MICAL3: variants seen among roughly 807,000 people sequenced by gnomAD.
MICAL3 encodes the protein microtubule associated monooxygenase, calponin and LIM domain containing 3.
In MICAL3, 62 loss-of-function variants were observed where a neutral mutation model predicts 207.4. The ratio of observed to expected loss-of-function variants is 0.30; its 90% CI spans 0.24 to 0.37. MICAL3 has a LOEUF of 0.37. Ranked by LOEUF, MICAL3 falls within the 10% of genes least tolerant of loss-of-function variation. The pLI, the probability that MICAL3 is intolerant of heterozygous loss-of-function variation, is 1.00. For missense variants in MICAL3, 2,368 were observed against 2,635.6 expected (o/e 0.90, Z 2.22); for synonymous variants, 1,077 against 1,069.3 (o/e 1.01, Z -0.14).
rs1445316141 is a variant in MICAL3, at chr22:17,841,961, G to C, written c.2662C>G (p.Pro888Ala). 6.2e-7 allele frequency: 1 copy of C among 1,607,204 alleles called. No individual in the cohort carries two copies. The highest frequency in any genetic ancestry group is 1.1e-5 in the South Asian group (1 of 90,564). The change falls in exon 20 of 32, where the codon CCA becomes GCA. Residue 888 changes from proline (P) to alanine (A), a missense_variant. By Grantham distance (27) the Pro-to-Ala change is conservative. Transcript: ENST00000441493. This position sits in a 1 kb window ranked among gnomAD's most constrained non-coding sequence, Gnocchi z 4.2. ...TAGTTCTCCAGCTCGATCCGCTCTG[G>C]GGTGCCCCTCAGTCGCTTGGCGATG... ...PSIAKRLRGTPERIELENYRL... is the reference protein window; with the variant it reads ...PSIAKRLRGTAERIELENYRL...
chr22:17,930,261 C>T (rs1933176576), intron 1 of MICAL3, among the ~76,000 whole-genome samples: 1 of 152,230 alleles, frequency 6.6e-6, no homozygotes, highest in African/African-American at 2.4e-5. Context: ...GTTCTTGAAG[C>T]TACATACACA....
In MICAL3 at chr22:17,818,089, A is replaced by G; in HGVS notation, c.4572T>C (p.Asp1524=). 1 of 1,612,988 alleles carries G rather than the reference A, an allele frequency of 6.2e-7. No individual in the cohort carries two copies. The change falls in exon 26 of 32, where the codon GAT becomes GAC. Residue 1524 remains aspartate (D), a synonymous_variant. Coordinates refer to ENST00000441493, the MANE Select transcript of MICAL3 (RefSeq NM_015241.3). ...VESVEEIPFA[D]DVEDTYDDKT... The stretch of plus-strand genomic sequence containing the variant: ...TGTCGTCATAGGTGTCCTCCACATC[A>G]TCAGCAAAGGGAATCTCCTCCACGC...
chr22:17,805,281 G>A (rs967447559), intron 29 of MICAL3, among the ~76,000 whole-genome samples: 3 of 152,276 alleles, frequency 2.0e-5, no homozygotes, highest in Admixed American at 2.0e-4. Flanking sequence ...CGCAGAAGCA[G>A]GAGAGAAAGC....
chr22:17,978,765 C>T (rs1260550958), intron 1 of MICAL3, among the ~76,000 whole-genome samples: 2 of 151,774 alleles, frequency 1.3e-5, no homozygotes, highest in African/African-American at 4.8e-5. Context: ...GTGATCTGCC[C>T]GCCTCGGCCT....
At chr22:17,849,411 T>C (rs1284717379) in intron 19 of MICAL3, among the ~76,000 whole-genome samples, 4 of 152,184 alleles carry the variant, frequency 2.6e-5, no homozygotes, top group Non-Finnish European at 5.9e-5. Context: ...CATGGCTCAA[T>C]GCAGACTCAA....
chr22:17,901,623 T>C (rs1455865798), intron 5 of MICAL3, among the ~76,000 whole-genome samples: 1 of 152,096 alleles, frequency 6.6e-6, no homozygotes, highest in Non-Finnish European at 1.5e-5. Flanking sequence ...GTGAGCGTGA[T>C]CATGATACTG....
intron 25 of MICAL3, 86 bp from the exon 26 acceptor site, chr22:17,819,215 G>A (rs1003776462): frequency 1.5e-6 from 2 of 1,329,290 alleles, no homozygotes; most frequent in Non-Finnish European, 2.0e-6. Context: ...CACTCAAAGT[G>A]CCTGCACCTG....
At chr22:18,010,723 T>C (rs1038460684) in intron 1 of MICAL3, among the ~76,000 whole-genome samples, 2 of 151,774 alleles carry the variant, frequency 1.3e-5, no homozygotes, top group Non-Finnish European at 2.9e-5. Context: ...TGCCGGGAGG[T>C]GGAGACCTGG....
intron 1 of MICAL3, among the ~76,000 whole-genome samples, chr22:17,996,445 G>GAAAA (rs113489535): frequency 7.3e-6 from 1 of 136,346 alleles, no homozygotes. Context: ...CTCCATCTCA[G>GAAAA]AAAAAAAAAA....
chr22:17,847,632 CCGG>C (rs905901466), intron 19 of MICAL3, among the ~76,000 whole-genome samples: 3 of 152,228 alleles, frequency 2.0e-5, no homozygotes, highest in Non-Finnish European at 2.9e-5. Context: ...TGACCACCTT[CCGG>C]CGTCACCTTC....
intron 29 of MICAL3, among the ~76,000 whole-genome samples, chr22:17,797,859 GGCGGGCC>G (rs2061893372): frequency 1.3e-5 from 2 of 152,358 alleles, no homozygotes; most frequent in East Asian, 3.9e-4. Context: ...CAGGCACGTC[GGCGGGCC>G]GTCCTCCAGG....
chr22:17,936,587 A>G (rs1347544390), intron 1 of MICAL3, among the ~76,000 whole-genome samples: 1 of 152,074 alleles, frequency 6.6e-6, no homozygotes, highest in African/African-American at 2.4e-5. Context: ...AAAAAAAAAA[A>G]AAGAAACTTT....
intron 1 of MICAL3, among the ~76,000 whole-genome samples, chr22:17,942,557 C>T (rs9941945): frequency 2.6e-4 from 40 of 152,318 alleles, no homozygotes; most frequent in African/African-American, 7.7e-4. Context: ...GGCTTTCAGA[C>T]GCTCAGAGAC....
chr22:17,839,405 T>C (rs993412796), intron 20 of MICAL3, among the ~76,000 whole-genome samples: 3 of 150,816 alleles, frequency 2.0e-5, no homozygotes, highest in African/African-American at 7.3e-5. Context: ...TACAGGTGCG[T>C]GCCACCACAC....
intron 19 of MICAL3, among the ~76,000 whole-genome samples, chr22:17,846,662 C>T (rs1454019770): frequency 1.3e-5 from 2 of 152,224 alleles, no homozygotes; most frequent in Non-Finnish European, 2.9e-5. Context: ...AAGTGCACCC[C>T]GCCTGTCGGG....
chr22:17,833,426 G>A (rs1036173260), intron 20 of MICAL3, among the ~76,000 whole-genome samples: 1 of 152,218 alleles, frequency 6.6e-6, no homozygotes, highest in African/African-American at 2.4e-5. Context: ...GACCTCCTGC[G>A]AGGGTGTGTC....
intron 22 of MICAL3, among the ~76,000 whole-genome samples, chr22:17,827,353 G>T (rs1922311488): frequency 1.3e-5 from 2 of 152,196 alleles, no homozygotes. Flanking sequence ...GCGGTGACCA[G>T]AAACATGAGA....
chr22:17,801,959 C>T (rs1045410187), intron 29 of MICAL3, among the ~76,000 whole-genome samples: 5 of 151,980 alleles, frequency 3.3e-5, no homozygotes, highest in African/African-American at 4.8e-5. Context: ...GCAGGAGATG[C>T]GATGGTGTGT....
At chr22:17,916,728 G>A (rs1191705228) in intron 1 of MICAL3, among the ~76,000 whole-genome samples, 1 of 152,074 alleles carries the variant, frequency 6.6e-6, no homozygotes, top group Non-Finnish European at 1.5e-5. Context: ...GTCCTGCTGT[G>A]ACCTCATAGC....
Sources: gnomAD v4.1 joint callset for allele counts (sites outside exome capture counted in the v4.1 genomes callset) on GRCh38, gnomAD v4.1.1 for gene constraint, Gnocchi (gnomAD v3.1) non-coding constraint, MANE v1.5 for transcripts, NCBI Gene and HGNC (gene_info 2026-07-23, HGNC 2026-07-21) for gene names.